FBXO46: variants seen among roughly 807,000 people sequenced by gnomAD.
FBXO46 encodes F-box only protein 46.
A neutral mutation model predicts 30.7 loss-of-function variants in FBXO46; 13 were observed. That is an observed-to-expected ratio of 0.42 (90% CI 0.28 to 0.67). The LOEUF is 0.67. FBXO46 is among the 30% of genes least tolerant of loss of function. FBXO46 has a pLI of 0.21. For synonymous variants in FBXO46, 467 were observed against 385.8 expected (o/e 1.21, Z -2.47); for missense variants, 754 against 871.5 (o/e 0.87, Z 1.70).
rs1360237275 is a variant in FBXO46 at position 45,711,175 on chromosome 19, G to A, written c.*509C>T. On this transcript the variant is annotated 3_prime_UTR_variant, in exon 2 of 2. Transcript: ENST00000317683. ...TAAAAAAATGCCAGATCCCACCTGT[G>A]ACCTGACAGCCCCCAATTCCTAGAG... The A allele has an allele frequency of 4.8e-6, 2 of 414,816 alleles. No individual in the cohort carries two copies. The highest frequency in any genetic ancestry group is 1.4e-4 in the East Asian group (2 of 13,850). 25.7% of individuals were successfully genotyped at this position (414,816 alleles called of 1,614,324 possible).
rs770643374 is a variant in FBXO46, at chr19:45,711,630, G to A, written c.*54C>T. 44 of 1,374,324 alleles carry A rather than the reference G, an allele frequency of 3.2e-5. No individual in the cohort carries two copies. Among genetic ancestry groups the A allele is most frequent in the East Asian group, 1.7e-4 (7 of 40,144 alleles). The allele number at this position is 1,374,324 out of a possible 1,614,324, so 85.1% of individuals were successfully genotyped here. A position where few individuals can be genotyped will look rare whatever the true frequency, so the allele number is the denominator to read the frequency against. ...GGCCCAGTCCGGACCCTCGGCTCCC[G>A]GGGGGAGAGGGGAGGGGTGGGCGTG... On this transcript the variant is annotated 3_prime_UTR_variant, in exon 2 of 2. Transcript: ENST00000317683.
intron 1 of FBXO46, among the ~76,000 whole-genome samples, chr19:45,718,442 A>C (rs1338155020): frequency 1.6e-4 from 24 of 151,918 alleles, no homozygotes; most frequent in Admixed American, 1.6e-3. Flanking sequence ...CAATCCCCCT[A>C]GGCCAGGTCA....
At chr19:45,729,861 G>C (rs569370068) in intron 1 of FBXO46, among the ~76,000 whole-genome samples, 49 of 152,304 alleles carry the variant, frequency 3.2e-4, no homozygotes, top group African/African-American at 1.2e-3. Context: ...CCAGATCAGT[G>C]CCAGCTTTTG....
chr19:45,716,575 C>G (rs918841909), intron 1 of FBXO46: 1 of 152,134 alleles, frequency 6.6e-6, no homozygotes, highest in Admixed American at 6.6e-5. Context: ...TATACTCCCC[C>G]CAACCCTCCT....
In FBXO46 at chr19:45,711,032, TG is replaced by T. The variant is rs113527058; in HGVS notation, c.*651del. 0.24 allele frequency: 55,563 copies of T among 232,712 alleles called. 7,384 individuals carry two copies. The highest frequency in any genetic ancestry group is 0.44 in the East Asian group (2,567 of 5,872). The allele number at this position is 232,712 out of a possible 1,614,324, so 14.4% of individuals were successfully genotyped here. A position where few individuals can be genotyped will look rare whatever the true frequency, so the allele number is the denominator to read the frequency against. ...GGTTTTTATACTTCAGCTTTTTTTT[TG>T]TCTGCCCCCCTCTTCCTCTACGCGG... On this transcript the variant is annotated 3_prime_UTR_variant, in exon 2 of 2. Transcript: ENST00000317683.
intron 1 of FBXO46, among the ~76,000 whole-genome samples, chr19:45,718,943 A>T (rs1248286563): frequency 1.5e-5 from 2 of 131,288 alleles, no homozygotes; most frequent in African/African-American, 3.0e-5. Flanking sequence ...ATTACCCCTT[A>T]AAAAAAAAAA....
At chr19:45,731,753 T>C (rs1470932619), upstream of FBXO46, among the ~76,000 whole-genome samples, 1 of 152,006 alleles carries the variant, frequency 6.6e-6, no homozygotes, top group Admixed American at 6.6e-5. Flanking sequence ...TTCGAGGCAG[T>C]GAGCTAGTGT....
In FBXO46 at chr19:45,713,202, C is replaced by T; in HGVS notation, c.294G>A (p.Lys98=). The change falls in exon 2 of 2, where the codon AAG becomes AAA. Residue 98 remains lysine (K), a synonymous_variant. Coordinates refer to ENST00000317683, the MANE Select transcript of FBXO46 (RefSeq NM_001080469.2). This position sits in a 1 kb window ranked among gnomAD's most constrained non-coding sequence, Gnocchi z 4.7. ...TWYVIKPGNT[K]EKVAFFVAHQ... is the part of the protein sequence containing the mutation. ...GGGCCACAAAGAAGGCCACCTTCTC[C>T]TTTGTATTCCCGGGCTTGATGACAT... 6.2e-7 allele frequency: 1 copy of T among 1,613,944 alleles called. No individual in the cohort carries two copies. The highest frequency in any genetic ancestry group is 1.1e-5 in the South Asian group (1 of 91,086).
At chr19:45,719,180 T>TAGAG (rs1255718557) in intron 1 of FBXO46, among the ~76,000 whole-genome samples, 1 of 151,938 alleles carries the variant, frequency 6.6e-6, no homozygotes, top group Non-Finnish European at 1.5e-5. Context: ...GCCCAGGAGG[T>TAGAG]AGAGGCTGCA....
rs1335364504 is a variant in FBXO46, at chr19:45,711,962, C to G, written c.1534G>C (p.Val512Leu). 6.2e-7 allele frequency: 1 copy of G among 1,612,970 alleles called. No homozygotes were observed. The highest frequency in any genetic ancestry group is 2.2e-5 in the East Asian group (1 of 44,866). The change falls in exon 2 of 2, where the codon GTG becomes CTG. Residue 512 changes from valine (V) to leucine (L), a missense_variant. Transcript: ENST00000317683. ...CTCCAGCGCGAGTCTGTGGCCCGCA[C>G]GCCAAACGCCTCGATGATGCCCTTG... ...HFKGIIEAFG[V>L]RATDSRWSRD...
At chr19:45,731,117 C>T (rs1968305125), upstream of FBXO46, among the ~76,000 whole-genome samples, 1 of 152,200 alleles carries the variant, frequency 6.6e-6, no homozygotes, top group African/African-American at 2.4e-5. Flanking sequence ...CCCCGCTGGG[C>T]GCGCTGGGAG....
chr19:45,717,967 C>T (rs1968122448), intron 1 of FBXO46, among the ~76,000 whole-genome samples: 1 of 152,268 alleles, frequency 6.6e-6, no homozygotes, highest in Admixed American at 6.5e-5. Context: ...TCCAAACAGG[C>T]GCCCCAAACC....
upstream of FBXO46, among the ~76,000 whole-genome samples, chr19:45,732,792 T>C (rs1968342584): frequency 6.6e-6 from 1 of 151,616 alleles, no homozygotes; most frequent in Admixed American, 6.6e-5. Context: ...GGTTTCACCA[T>C]TGTTGGCCAG....
chr19:45,712,776 G>A lies in FBXO46; in HGVS notation c.720C>T (p.Ser240=), dbSNP rs1568545038. The A allele has an allele frequency of 1.2e-6, 2 of 1,611,096 alleles. No individual in the cohort carries two copies. The highest frequency in any genetic ancestry group is 1.1e-5 in the South Asian group (1 of 90,856). ...CCTTGCGGAGGCCCTTGGTGGGAGG[G>A]CTGTCCCTCTGCGCTTCAAAGTGGG... The part of the protein sequence containing the change: ...AVAHFEAQRD[S]PPTKGLRKEE... The change falls in exon 2 of 2, where the codon AGC becomes AGT. Residue 240 remains serine, a synonymous_variant. Transcript: ENST00000317683. This position sits in a 1 kb window ranked among gnomAD's most constrained non-coding sequence, Gnocchi z 8.8.
At chr19:45,715,806 C>CAAAAAAAAAAAAAAAA (rs71175215) in intron 1 of FBXO46, 5 of 79,436 alleles carry the variant, frequency 6.3e-5, no homozygotes, top group Non-Finnish European at 9.0e-5. Context: ...AACTCCATCT[C>CAAAAAAAAAAAAAAAA]AAAAAAAAAA....
At chr19:45,721,451 C>T (rs991162042) in intron 1 of FBXO46, among the ~76,000 whole-genome samples, 3 of 152,186 alleles carry the variant, frequency 2.0e-5, no homozygotes, top group African/African-American at 7.2e-5. Flanking sequence ...CAGATGACCC[C>T]GCTCCCCATC....
chr19:45,729,888 A>G (rs1180704755), intron 1 of FBXO46, among the ~76,000 whole-genome samples: 1 of 152,188 alleles, frequency 6.6e-6, no homozygotes, highest in Admixed American at 6.5e-5. Context: ...CGCCTCTGGG[A>G]CTGGACTGGA....
chr19:45,724,763 T>C (rs1457143111), intron 1 of FBXO46, among the ~76,000 whole-genome samples: 1 of 152,192 alleles, frequency 6.6e-6, no homozygotes, highest in Non-Finnish European at 1.5e-5. Flanking sequence ...CAAGTGATTC[T>C]TGTGCCTCAG....
At chr19:45,715,446 A>C (rs777196683) in intron 1 of FBXO46, 1 of 152,202 alleles carries the variant, frequency 6.6e-6, no homozygotes, top group Non-Finnish European at 1.5e-5. Context: ...AGCTTAAAAT[A>C]CCCATTATCT....
Sources: allele counts gnomAD v4.1 joint callset (sites outside exome capture counted in the v4.1 genomes callset), GRCh38; gene constraint gnomAD v4.1.1; non-coding constraint Gnocchi (gnomAD v3.1); transcripts MANE v1.5; gene names NCBI Gene and HGNC (gene_info 2026-07-23, HGNC 2026-07-21).